The following ZNF28 variants were observed in gnomAD, a reference collection of about 807,000 sequenced individuals.
ZNF28 encodes the protein zinc finger protein KOX24.
A neutral mutation model predicts 7.2 loss-of-function variants in ZNF28; 5 were observed. That is an observed-to-expected ratio of 0.70 (90% CI 0.36 to 1.46). The LOEUF is 1.46. ZNF28 is among the 40% of genes most tolerant of loss of function. The pLI is 0.03. For synonymous variants in ZNF28, 288 were observed against 292.4 expected (o/e 0.99, Z 0.15); for missense variants, 879 against 866.6 (o/e 1.01, Z -0.18).
In ZNF28 at chr19:52,800,234, G is replaced by T; in HGVS notation, c.1611C>A (p.Asn537Lys). The change falls in exon 4 of 4, where the codon AAC (asparagine) becomes AAA (lysine). Residue 537 changes from asparagine to lysine, a missense_variant. Asn to Lys is a moderately conservative substitution (Grantham distance 94). This residue lies in a region of ZNF28 where 864 missense variants were observed against 830.2 expected (regional missense o/e 1.04). Coordinates refer to ENST00000457749, the MANE Select transcript of ZNF28 (RefSeq NM_006969.5). ...ECGKVFSTKA[N>K]LACHHKLHTA... Reference sequence around the variant, plus strand: ...TATGAAGTTTATGATGACATGCAAGGTTTGCTTTTGTACTAAAAACCTTGC... The same window carrying T: ...TATGAAGTTTATGATGACATGCAAGTTTTGCTTTTGTACTAAAAACCTTGC... 1.2e-6 allele frequency: 2 copies of T among 1,612,050 alleles called. No homozygotes were observed. The highest frequency in any genetic ancestry group is 2.2e-5 in the South Asian group (2 of 90,988).
rs549463982 is a variant in ZNF28, at chr19:52,800,382, A to C, written c.1463T>G (p.Ile488Ser). The C allele has an allele frequency of 6.2e-7, 1 of 1,614,000 alleles. No individual in the cohort carries two copies. Among genetic ancestry groups the C allele is most frequent in the African/African-American group, 1.3e-5 (1 of 74,978 alleles). The stretch of plus-strand genomic sequence containing the variant: ...TTTGTATGGTTTCTCTCCAGTATGA[A>C]TCCTCCTATGTCTTTCAAGGTGTGA... ...CKSHLERHRRIHTGEKPYKCK... is the reference protein window; with the variant it reads ...CKSHLERHRRSHTGEKPYKCK... The change falls in exon 4 of 4, where the codon ATT (isoleucine) becomes AGT (serine). Residue 488 changes from isoleucine (I) to serine (S), a missense_variant. By Grantham distance (142) the Ile-to-Ser change is moderately radical. Transcript: ENST00000457749.
At chr19:52,820,835 T>C (rs2063188031) in intron 1 of ZNF28, among the ~76,000 whole-genome samples, 3 of 152,140 alleles carry the variant, frequency 2.0e-5, no homozygotes, top group Non-Finnish European at 2.9e-5. Flanking sequence ...ATCCTCTACT[T>C]TGCCATCTGT....
intron 2 of ZNF28, chr19:52,810,323 C>T (rs1489056747): frequency 8.1e-6 from 13 of 1,596,160 alleles, no homozygotes; most frequent in Non-Finnish European, 1.1e-5. Context: ...TCAATGCTGG[C>T]AATGTGGACT....
intron 2 of ZNF28, among the ~76,000 whole-genome samples, chr19:52,817,362 A>G (rs1447627326): frequency 1.3e-5 from 2 of 152,150 alleles, no homozygotes; most frequent in African/African-American, 4.8e-5. Flanking sequence ...ACAAGAGTGA[A>G]ACTCCGCTTC....
chr19:52,819,189 C>G (rs1169809707), intron 1 of ZNF28, among the ~76,000 whole-genome samples: 2 of 137,026 alleles, frequency 1.5e-5, no homozygotes, highest in Non-Finnish European at 3.1e-5. Context: ...GGAGGCTGGA[C>G]ACTGGCAGGG....
Position 52,801,148 on chromosome 19 carries a change from G to GT in ZNF28, c.696dup (p.His233ThrfsTer12), listed in dbSNP as rs752187241. On this transcript the variant is annotated frameshift_variant, in exon 4 of 4. Transcript: ENST00000457749. LOFTEE classifies it low-confidence loss of function (END_TRUNC). ...TTCTCTTCTAAGTGGGTTATCTGAT[G>GT]TTTTTTTAAAAGTGAGCTACAATTA... 197 of 1,613,818 alleles carry GT rather than the reference G, an allele frequency of 1.2e-4. No homozygotes were observed. The Admixed American group carries it at 3.1e-3, about 25-fold the overall frequency.
chr19:52,799,112 T>C lies in ZNF28; in HGVS notation c.*576A>G. The stretch of plus-strand genomic sequence containing the variant: ...AGTCTTCACATTTGTAAGATTTCTC[T>C]GCAGTATGAAGACTATGATGACTTG... On this transcript the variant is annotated 3_prime_UTR_variant, in exon 4 of 4. Coordinates refer to ENST00000457749, the MANE Select transcript of ZNF28 (RefSeq NM_006969.5). 2.4e-6 allele frequency: 1 copy of C among 417,570 alleles called. No homozygotes were observed. Among genetic ancestry groups the C allele is most frequent in the Non-Finnish European group, 4.6e-6 (1 of 215,310 alleles). The allele number at this position is 417,570 out of a possible 1,614,324, so 25.9% of individuals were successfully genotyped here. A position where few individuals can be genotyped will look rare whatever the true frequency, so the allele number is the denominator to read the frequency against.
intron 2 of ZNF28, among the ~76,000 whole-genome samples, chr19:52,809,331 A>G (rs888738159): frequency 1.3e-5 from 2 of 152,252 alleles, no homozygotes; most frequent in African/African-American, 4.8e-5. Flanking sequence ...GTTGTCATTC[A>G]GCCAATTTCC....
chr19:52,803,223 C>A (rs147654642), intron 3 of ZNF28, among the ~76,000 whole-genome samples: 2 of 152,096 alleles, frequency 1.3e-5, no homozygotes, highest in Admixed American at 1.3e-4. Context: ...AATGCAGGCA[C>A]ATGCCACTGT....
Position 52,808,200 on chromosome 19 carries a change from G to A in ZNF28, c.16-67C>T, listed in dbSNP as rs1229225476. ...TTCTTATCTTTACAGAAAATGACAA[G>A]AGAGGGGGAAAGCATGGATTTAGTT... On this transcript the variant is annotated intron_variant, in intron 2 of 3. Coordinates refer to ENST00000457749, the MANE Select transcript of ZNF28 (RefSeq NM_006969.5). The A allele has an allele frequency of 5.0e-6, 8 of 1,593,662 alleles. No homozygotes were observed. In the African/African-American group the frequency reaches 9.4e-5, roughly 19 times the overall value.
In ZNF28 at chr19:52,808,041, C is replaced by T. The variant is rs1434137774; in HGVS notation, c.108G>A (p.Val36=). The T allele has an allele frequency of 6.2e-7, 1 of 1,613,616 alleles. No homozygotes were observed. The highest frequency in any genetic ancestry group is 1.1e-5 in the South Asian group (1 of 91,084). The change falls in exon 3 of 4, where the codon GTG becomes GTA. Residue 36 remains valine (V), a synonymous_variant. Coordinates refer to ENST00000457749, the MANE Select transcript of ZNF28 (RefSeq NM_006969.5). ...DPAQRTLYRD[V]MLENYRNLVS... ...CCAGGTTCCTATAATTCTCCAGCAT[C>T]ACATCCCTGTAAAGAGTCCTCTGAG...
intron 2 of ZNF28, among the ~76,000 whole-genome samples, chr19:52,817,276 G>A (rs2063138949): frequency 6.6e-6 from 1 of 152,112 alleles, no homozygotes; most frequent in Non-Finnish European, 1.5e-5. Flanking sequence ...GGAGGCTGAG[G>A]CAGGAGAATC....
chr19:52,806,152 G>A (rs2062934371), intron 3 of ZNF28: 1 of 151,734 alleles, frequency 6.6e-6, no homozygotes, highest in South Asian at 2.1e-4. Flanking sequence ...ATAAAAAAAT[G>A]TTCTAGTGGA....
intron 1 of ZNF28, among the ~76,000 whole-genome samples, chr19:52,818,970 C>T (rs77875772): frequency 9.5e-5 from 13 of 136,726 alleles, no homozygotes; most frequent in Admixed American, 3.0e-4. Context: ...CACTGATGGG[C>T]AGAGGGAACT....
intron 1 of ZNF28, among the ~76,000 whole-genome samples, chr19:52,820,668 T>C (rs112750257): frequency 1.3e-5 from 2 of 152,100 alleles, no homozygotes; most frequent in Non-Finnish European, 2.9e-5. Context: ...TCTCCCTCAC[T>C]CTGATGAGCC....
chr19:52,806,651 C>G (rs551767111), intron 3 of ZNF28, among the ~76,000 whole-genome samples: 2 of 147,070 alleles, frequency 1.4e-5, no homozygotes, highest in South Asian at 2.2e-4. Context: ...CCTACGGTCC[C>G]AGTGTTTTGG....
chr19:52,801,166 T>C lies in ZNF28; in HGVS notation c.679A>G (p.Ser227Gly). 2.5e-6 allele frequency: 4 copies of C among 1,614,170 alleles called. No individual in the cohort carries two copies. Among genetic ancestry groups the C allele is most frequent in the Non-Finnish European group, 3.4e-6 (4 of 1,180,026 alleles). ...ATCTGATGTTTTTTTAAAAGTGAGC[T>C]ACAATTAAAGGATTTGCCACTCTCA... is the stretch of plus-strand genomic sequence containing the variant. The part of the protein sequence containing the change: ...CIESGKSFNC[S>G]SLLKKHQITH... The change falls in exon 4 of 4, where the codon AGC (serine) becomes GGC (glycine). Residue 227 changes from serine (S) to glycine (G), a missense_variant. Physicochemically the swap from Ser to Gly is moderately conservative, Grantham distance 56 (BLOSUM62 0). Coordinates refer to ENST00000457749, the MANE Select transcript of ZNF28 (RefSeq NM_006969.5).
At chr19:52,805,642 A>ACT (rs1396160426) in intron 3 of ZNF28, 1 of 139,042 alleles carries the variant, frequency 7.2e-6, no homozygotes, top group Non-Finnish European at 1.5e-5. Flanking sequence ...TAATAATAAT[A>ACT]AAAATAAATA....
chr19:52,820,869 TTC>T (rs1156509831), intron 1 of ZNF28, among the ~76,000 whole-genome samples: 1 of 152,088 alleles, frequency 6.6e-6, no homozygotes, highest in Non-Finnish European at 1.5e-5. Context: ...CATTCTTCTT[TTC>T]TCTGTCTCAG....
Sources: gnomAD v4.1 joint callset for allele counts (sites outside exome capture counted in the v4.1 genomes callset) on GRCh38, gnomAD v4.1.1 for gene constraint, gnomAD v4.1.1 regional missense constraint, MANE v1.5 for transcripts, NCBI Gene and HGNC (gene_info 2026-07-23, HGNC 2026-07-21) for gene names.